The following PRKG1 variants were observed in gnomAD, a reference collection of about 807,000 sequenced individuals.
PRKG1 encodes the protein protein kinase cGMP-dependent 1.
PRKG1 carries 35 observed loss-of-function variants against 88.1 expected under a neutral mutation model. That is an observed-to-expected ratio of 0.40 (90% CI 0.30 to 0.53). The LOEUF (loss-of-function observed/expected upper bound fraction) is 0.53, where lower values mean the gene tolerates loss of function less well. Ranked by LOEUF, PRKG1 falls within the 20% of genes least tolerant of loss-of-function variation. PRKG1 has a pLI of 0.59. For synonymous variants in PRKG1, 303 were observed against 292.5 expected, an observed-to-expected ratio of 1.04 and a Z score of -0.37; for missense variants, 540 against 839.8, an observed-to-expected ratio of 0.64 and a Z score of 4.41.
chr10:52,171,819 G>A (rs1191556434), intron 9 of PRKG1, among the ~76,000 whole-genome samples: 2 of 91,698 alleles, frequency 2.2e-5, no homozygotes, highest in African/African-American at 6.7e-5. Context: ...TTTTTGAGAC[G>A]GAGTCTCGCT....
chr10:51,833,707 A>C (rs550884591), intron 4 of PRKG1, among the ~76,000 whole-genome samples: 6 of 152,156 alleles, frequency 3.9e-5, no homozygotes, highest in Middle Eastern at 3.2e-3. Flanking sequence ...GAGAACATTA[A>C]AAATTAACTC....
intron 5 of PRKG1, among the ~76,000 whole-genome samples, chr10:52,017,803 T>A (rs542613027): frequency 1.3e-5 from 2 of 152,270 alleles, no homozygotes; most frequent in Admixed American, 1.3e-4. Context: ...AGTGGCACAA[T>A]TTCAGGAAAC....
At chr10:51,045,810 A>C (rs2132763237) in intron 1 of PRKG1, among the ~76,000 whole-genome samples, 1 of 152,350 alleles carries the variant, frequency 6.6e-6, no homozygotes, top group East Asian at 1.9e-4. Flanking sequence ...TCATTAAATC[A>C]CTTAACCATA....
chr10:51,349,845 A>T (rs1228784538), intron 2 of PRKG1, among the ~76,000 whole-genome samples: 1 of 152,090 alleles, frequency 6.6e-6, no homozygotes, highest in African/African-American at 2.4e-5. Context: ...CATTCTCTCT[A>T]GAGATTCTCA....
Position 51,515,241 on chromosome 10 carries a change from C to T in PRKG1, c.592+47405C>T, listed in dbSNP as rs571761244. On this transcript the variant is annotated intron_variant, in intron 3 of 17. Transcript: ENST00000373980. ...AAATAGGGAATCAGCAGTTTTATTT[C>T]GTTCACAAGTCATTCAAAGACAATA... 3.9e-5 allele frequency among the ~76,000 whole-genome samples: 6 copies of T among 152,260 alleles called. No homozygotes were observed. The South Asian group carries it at 1.2e-3, about 32-fold the overall frequency.
chr10:51,425,698 C>T (rs1000243594), intron 2 of PRKG1, among the ~76,000 whole-genome samples: 1 of 152,070 alleles, frequency 6.6e-6, no homozygotes, highest in East Asian at 2.0e-4. Flanking sequence ...CCAAGCCCAG[C>T]GTGGTTCAAA....
chr10:51,137,721 G>T (rs1196839735), intron 1 of PRKG1, among the ~76,000 whole-genome samples: 1 of 152,184 alleles, frequency 6.6e-6, no homozygotes, highest in East Asian at 1.9e-4. Flanking sequence ...AGTGAATGAG[G>T]CAGGGGGTTG....
At chr10:51,725,092 G>T (rs1193028891) in intron 3 of PRKG1, among the ~76,000 whole-genome samples, 1 of 152,030 alleles carries the variant, frequency 6.6e-6, no homozygotes. Flanking sequence ...AGAAGAAAAT[G>T]AATTACAATT....
chr10:51,437,147 T>C (rs969304956), intron 2 of PRKG1, among the ~76,000 whole-genome samples: 3 of 152,002 alleles, frequency 2.0e-5, no homozygotes, highest in African/African-American at 7.2e-5. Flanking sequence ...GGAGAGATAA[T>C]TTTTCCCATG....
intron 2 of PRKG1, among the ~76,000 whole-genome samples, chr10:51,418,930 C>T (rs979453031): frequency 6.6e-6 from 1 of 152,176 alleles, no homozygotes; most frequent in Non-Finnish European, 1.5e-5. Flanking sequence ...TGCAGATACA[C>T]ATAGCAGGAG....
intron 7 of PRKG1, among the ~76,000 whole-genome samples, chr10:52,109,682 A>G (rs188738896): frequency 1.3e-5 from 2 of 150,456 alleles, no homozygotes; most frequent in African/African-American, 4.9e-5. Context: ...CAGGAGAATC[A>G]CTTGAACTCA....
chr10:52,268,396 C>T (rs1385809079), intron 10 of PRKG1, among the ~76,000 whole-genome samples: 4 of 152,022 alleles, frequency 2.6e-5, no homozygotes, highest in Non-Finnish European at 4.4e-5. Context: ...CTTTCTACCC[C>T]ACTTGGCTTC....
chr10:52,226,382 C>T (rs146755918), intron 9 of PRKG1, among the ~76,000 whole-genome samples: 1 of 151,980 alleles, frequency 6.6e-6, no homozygotes, highest in South Asian at 2.1e-4. Context: ...TACAGAAGTT[C>T]CCTGGAATCA....
intron 7 of PRKG1, among the ~76,000 whole-genome samples, chr10:52,069,832 T>A (rs1846451861): frequency 6.6e-6 from 1 of 152,112 alleles, no homozygotes. Flanking sequence ...ATGTGAAATA[T>A]TATTCTGTTT....
chr10:51,611,056 A>G (rs1459207244), intron 3 of PRKG1, among the ~76,000 whole-genome samples: 2 of 142,386 alleles, frequency 1.4e-5, no homozygotes, highest in Admixed American at 6.9e-5. Context: ...CTTACAGTTA[A>G]AAAAAAAAAA....
chr10:51,487,517 C>G (rs935343852), intron 3 of PRKG1, among the ~76,000 whole-genome samples: 2 of 152,004 alleles, frequency 1.3e-5, no homozygotes, highest in Non-Finnish European at 2.9e-5. Context: ...GTGGATGTGG[C>G]CCCCCAGAAG....
At chr10:51,627,945 T>TTC (rs1283236723) in intron 3 of PRKG1, among the ~76,000 whole-genome samples, 3,470 of 74,948 alleles carry the variant, frequency 0.046, 214 homozygotes, top group Non-Finnish European at 0.049. Flanking sequence ...TTCCTTCCTT[T>TTC]CTTTCTTTCT....
At chr10:52,226,098 A>G (rs1055727134) in intron 9 of PRKG1, among the ~76,000 whole-genome samples, 15 of 148,954 alleles carry the variant, frequency 1.0e-4, no homozygotes, top group African/African-American at 3.7e-4. Flanking sequence ...AGTGCCTGGC[A>G]TATGCTTATT....
intron 5 of PRKG1, among the ~76,000 whole-genome samples, chr10:52,003,512 C>A (rs1157588921): frequency 2.0e-5 from 3 of 152,116 alleles, no homozygotes; most frequent in African/African-American, 7.2e-5. Flanking sequence ...TTGTGCTCAT[C>A]TTTTTTGTCC....
Sources: gnomAD v4.1 joint callset for allele counts (sites outside exome capture counted in the v4.1 genomes callset) on GRCh38, gnomAD v4.1.1 for gene constraint, MANE v1.5 for transcripts, NCBI Gene and HGNC (gene_info 2026-07-23, HGNC 2026-07-21) for gene names.